Variants in TRA2B observed in about 807,000 individuals in gnomAD.
TRA2B encodes the protein transformer-2 protein homolog beta.
TRA2B carries 14 observed loss-of-function variants against 41.7 expected under a neutral mutation model. The observed-to-expected ratio is 0.34, with a 90% CI of 0.22 to 0.53. TRA2B has a LOEUF of 0.53. Ranked by LOEUF, TRA2B falls within the 20% of genes least tolerant of loss-of-function variation. TRA2B has a pLI of 0.95. For synonymous variants in TRA2B, 130 were observed against 128.8 expected, an observed-to-expected ratio of 1.01 and a Z score of -0.06; for missense variants, 167 against 396.8, an observed-to-expected ratio of 0.42 and a Z score of 4.92.
chr3:185,917,733 GAA>G lies in TRA2B; in HGVS notation c.857-10_857-9del, dbSNP rs756629231. 192 of 1,612,314 alleles carry G rather than the reference GAA, an allele frequency of 1.2e-4. 1 individual carries two copies. The Middle Eastern group carries it at 1.6e-3, about 14-fold the overall frequency. ...TCATGCTTTAATAGCGACCTGGGAA[GAA>G]AAGAATGAACATGCTTTAATATTAA... On this transcript the variant is annotated splice_polypyrimidine_tract_variant and intron_variant, in intron 8 of 8. Transcript: ENST00000453386.
intron 1 of TRA2B, among the ~76,000 whole-genome samples, chr3:185,932,316 T>C (rs182843144): frequency 6.6e-6 from 1 of 152,282 alleles, no homozygotes; most frequent in African/African-American, 2.4e-5. Flanking sequence ...GTGACTTGTC[T>C]AGATAGGATA....
At chr3:185,929,539 A>G (rs1015292559) in intron 1 of TRA2B, among the ~76,000 whole-genome samples, 4 of 152,192 alleles carry the variant, frequency 2.6e-5, no homozygotes, top group Non-Finnish European at 4.4e-5. Context: ...CAGGAAATCA[A>G]TCAAGCTCTC....
At chr3:185,931,908 G>T in intron 1 of TRA2B, 1 of 1,191,034 alleles carries the variant, frequency 8.4e-7, no homozygotes, top group Non-Finnish European at 1.1e-6. Context: ...ATAAAATCCA[G>T]TGCCAAAACT....
At chr3:185,932,378 C>G (rs1196154289) in intron 1 of TRA2B, among the ~76,000 whole-genome samples, 1 of 152,164 alleles carries the variant, frequency 6.6e-6, no homozygotes, top group African/African-American at 2.4e-5. Context: ...AAGAGCTCTG[C>G]AGAAAGACGG....
chr3:185,926,521 C>G, intron 2 of TRA2B, 80 bp downstream of exon 2: 1 of 1,571,260 alleles, frequency 6.4e-7, no homozygotes, highest in Non-Finnish European at 8.7e-7. Flanking sequence ...ATCTAACCCT[C>G]TCTACCTTCC....
At chr3:185,937,412 G>A (rs759997007) in intron 1 of TRA2B, 1 of 1,011,184 alleles carries the variant, frequency 9.9e-7, no homozygotes, top group Non-Finnish European at 1.2e-6. Context: ...GCGTTGCCGC[G>A]CGGCTTCTCC....
At chr3:185,934,809 C>A in intron 1 of TRA2B, 1 of 985,400 alleles carries the variant, frequency 1.0e-6, no homozygotes, top group Non-Finnish European at 1.2e-6. Context: ...TGTCCAGATG[C>A]TGCTATTCAT....
intron 8 of TRA2B, 49 bp from the exon 9 acceptor site, chr3:185,917,774 C>G: frequency 6.3e-7 from 1 of 1,581,536 alleles, no homozygotes; most frequent in East Asian, 2.2e-5. Context: ...AACTAATTAT[C>G]AAGTATACTT....
At chr3:185,927,230 G>T (rs1461428014) in intron 1 of TRA2B, 1 of 152,246 alleles carries the variant, frequency 6.6e-6, no homozygotes, top group Non-Finnish European at 1.5e-5. Context: ...AGTGATAAGA[G>T]ATAAAGATGA....
At chr3:185,920,475 A>G (rs936045595) in intron 6 of TRA2B, among the ~76,000 whole-genome samples, 3 of 152,054 alleles carry the variant, frequency 2.0e-5, no homozygotes, top group African/African-American at 7.2e-5. Context: ...GAGGTTCCCT[A>G]TGCTGCTCAG....
chr3:185,925,774 T>C, intron 2 of TRA2B, 148 bp from the exon 3 acceptor site: 1 of 812,610 alleles, frequency 1.2e-6, no homozygotes, highest in Non-Finnish European at 1.7e-6. Context: ...ACTTTTCTTC[T>C]CTAATTATTT....
rs1743444055 is a variant in TRA2B at position 185,914,732 on chromosome 3, T to G, written c.*2983A>C. ...AAGAGCCAATCAAAATCCACTGAGA[T>G]GGCATGCTGAAGGAATATTGGAGGC... On this transcript the variant is annotated 3_prime_UTR_variant, in exon 9 of 9. Coordinates refer to ENST00000453386, the MANE Select transcript of TRA2B (RefSeq NM_004593.3). Among the ~76,000 whole-genome samples, 1 of 151,846 alleles carries G rather than the reference T, an allele frequency of 6.6e-6. No homozygotes were observed. Among genetic ancestry groups the G allele is most frequent in the Non-Finnish European group, 1.5e-5 (1 of 68,018 alleles).
intron 3 of TRA2B, chr3:185,924,913 C>CT (rs1360491908): frequency 6.6e-6 from 1 of 152,202 alleles, no homozygotes; most frequent in Non-Finnish European, 1.5e-5. Context: ...ATTTCATAAA[C>CT]TAACAATTTA....
Position 185,925,539 on chromosome 3 carries a change from G to C in TRA2B, c.258C>G (p.Tyr86Ter). ...TGTGCCGTCTACGATAATCTCGACT[G>C]TAAGACCTGCTACGTGATCGTCTAT... ...RSHRRSRSRS[Y>*]SRDYRRRHSH... Residue 86 changes from tyrosine (Y) to a stop codon, truncating the protein, a stop_gained, in exon 3 of 9, where the codon TAC becomes TAG. Coordinates refer to ENST00000453386, the MANE Select transcript of TRA2B (RefSeq NM_004593.3). LOFTEE classifies it high-confidence loss of function. 1 of 1,614,192 alleles carries C rather than the reference G, an allele frequency of 6.2e-7. No homozygotes were observed. The highest frequency in any genetic ancestry group is 8.5e-7 in the Non-Finnish European group (1 of 1,180,026).
At chr3:185,928,647 C>T (rs940888017) in intron 1 of TRA2B, 1 of 152,150 alleles carries the variant, frequency 6.6e-6, no homozygotes, top group Admixed American at 6.5e-5. Context: ...AAATGGGGAA[C>T]CCAAAAGTTG....
intron 6 of TRA2B, among the ~76,000 whole-genome samples, chr3:185,920,644 T>A (rs1390974933): frequency 5.9e-5 from 9 of 152,122 alleles, no homozygotes. Flanking sequence ...AACCTCTGCC[T>A]GCCGGGTTCA....
intron 6 of TRA2B, 35 bp downstream of exon 6, chr3:185,921,069 G>A: frequency 1.9e-6 from 3 of 1,579,772 alleles, no homozygotes; most frequent in Non-Finnish European, 2.6e-6. Flanking sequence ...ACTGTACTGA[G>A]ATTCAGACGT....
chr3:185,925,190 A>AT (rs1743897361), intron 3 of TRA2B: 1 of 286,290 alleles, frequency 3.5e-6, no homozygotes, highest in Non-Finnish European at 6.6e-6. Flanking sequence ...TACTAATACT[A>AT]TACTACAGTA....
In TRA2B at chr3:185,918,375, T is replaced by C. The variant is rs1170571717; in HGVS notation, c.846A>G (p.Ser282=). ...AAGATAAAAACTTACGAGGTGAGTATGATCGAGATCTGGAACGTGATCTGT... is the reference window on the plus strand; with the variant it reads ...AAGATAAAAACTTACGAGGTGAGTACGATCGAGATCTGGAACGTGATCTGT... ...GGYRSRSRSR[S]YSPRRY The change falls in exon 8 of 9, where the codon TCA becomes TCG. Residue 282 remains serine (S), a synonymous_variant. Transcript: ENST00000453386. 6.2e-7 allele frequency: 1 copy of C among 1,613,424 alleles called. No individual in the cohort carries two copies. The highest frequency in any genetic ancestry group is 8.5e-7 in the Non-Finnish European group (1 of 1,179,480).
Sources: allele counts gnomAD v4.1 joint callset (sites outside exome capture counted in the v4.1 genomes callset), GRCh38; gene constraint gnomAD v4.1.1; transcripts MANE v1.5; gene names NCBI Gene and HGNC (gene_info 2026-07-23, HGNC 2026-07-21).